Variants in MGAT5 observed in about 807,000 individuals in gnomAD.
MGAT5 encodes the protein alpha-1,6-mannosylglycoprotein 6-beta-N-acetylglucosaminyltransferase A.
A neutral mutation model predicts 94.3 loss-of-function variants in MGAT5; 30 were observed. The ratio of observed to expected loss-of-function variants is 0.32; its 90% CI spans 0.24 to 0.43. The LOEUF (loss-of-function observed/expected upper bound fraction) is 0.43. Ranked by LOEUF, MGAT5 falls within the 20% of genes least tolerant of loss-of-function variation. The probability of loss-of-function intolerance (pLI) is 1.00; values close to 1 mark genes in which losing one functional copy is unlikely to be tolerated. For synonymous variants in MGAT5, 310 were observed against 322.9 expected, an observed-to-expected ratio of 0.96 and a Z score of 0.43; for missense variants, 691 against 905.5, an observed-to-expected ratio of 0.76 and a Z score of 3.04.
intron 2 of MGAT5, among the ~76,000 whole-genome samples, chr2:134,274,003 A>G (rs1361723386): frequency 6.6e-6 from 1 of 152,226 alleles, no homozygotes; most frequent in Non-Finnish European, 1.5e-5. Context: ...TTTGAATTTT[A>G]GAAAGACCCA....
At chr2:134,164,348 G>A (rs1416765745) in intron 1 of MGAT5, among the ~76,000 whole-genome samples, 1 of 152,224 alleles carries the variant, frequency 6.6e-6, no homozygotes, top group African/African-American at 2.4e-5. Flanking sequence ...AGCTTTGAGA[G>A]TTGGTTGGTT....
intron 1 of MGAT5, among the ~76,000 whole-genome samples, chr2:134,124,509 G>A (rs193142864): frequency 2.6e-5 from 4 of 152,294 alleles, no homozygotes; most frequent in Non-Finnish European, 5.9e-5. Flanking sequence ...AATCAGGACA[G>A]GCAAGGGTTA....
chr2:134,244,016 G>GT (rs1002697154), intron 1 of MGAT5, among the ~76,000 whole-genome samples: 1 of 152,018 alleles, frequency 6.6e-6, no homozygotes, highest in African/African-American at 2.4e-5. Context: ...GTCATTCTTG[G>GT]TTTTTTTTCT....
intron 1 of MGAT5, among the ~76,000 whole-genome samples, chr2:134,194,603 G>A (rs913923919): frequency 6.7e-6 from 1 of 150,164 alleles, no homozygotes; most frequent in African/African-American, 2.5e-5. Flanking sequence ...CAGATGATAG[G>A]GGGTGTTTAG....
At chr2:134,213,000 TCTC>T (rs1262656182) in intron 1 of MGAT5, among the ~76,000 whole-genome samples, 1 of 152,172 alleles carries the variant, frequency 6.6e-6, no homozygotes. Context: ...TGTCTCATCT[TCTC>T]CTTGACATTG....
chr2:134,236,188 A>G (rs548503333), intron 1 of MGAT5, among the ~76,000 whole-genome samples: 3 of 152,086 alleles, frequency 2.0e-5, no homozygotes, highest in Non-Finnish European at 4.4e-5. Context: ...GTTGTTCTTC[A>G]CGGGTCCCAT....
In MGAT5 at chr2:134,454,511, G is replaced by A. The variant is rs188693246; in HGVS notation, c.*5664G>A. On this transcript the variant is annotated 3_prime_UTR_variant, in exon 16 of 16. Coordinates refer to ENST00000281923, the MANE Select transcript of MGAT5 (RefSeq NM_002410.5). ...AAGTAATGCAGGATTCTGCAAACAA[G>A]GTGTCGCCGTCCAAATGTACTGTCC... is the stretch of plus-strand genomic sequence containing the variant. 167 of 152,336 alleles carry A rather than the reference G, an allele frequency of 1.1e-3. 1 individual carries two copies. The highest frequency in any genetic ancestry group is 3.7e-3 in the African/African-American group (152 of 41,556). The allele number at this position is 152,336 out of a possible 1,614,324, so 9.4% of individuals were successfully genotyped here. A position where few individuals can be genotyped will look rare whatever the true frequency, so the allele number is the denominator to read the frequency against.
At chr2:134,177,674 G>T (rs1334079497) in intron 1 of MGAT5, among the ~76,000 whole-genome samples, 1 of 152,160 alleles carries the variant, frequency 6.6e-6, no homozygotes, top group Non-Finnish European at 1.5e-5. Context: ...TGATGGTCAG[G>T]CATGAAATTT....
intron 1 of MGAT5, among the ~76,000 whole-genome samples, chr2:134,220,588 T>C (rs189917477): frequency 6.6e-6 from 1 of 152,354 alleles, no homozygotes; most frequent in East Asian, 1.9e-4. Context: ...GTCTCCTCTC[T>C]GTTTTCCTTA....
chr2:134,337,235 G>A (rs1253242772), intron 5 of MGAT5, among the ~76,000 whole-genome samples: 1 of 152,204 alleles, frequency 6.6e-6, no homozygotes, highest in African/African-American at 2.4e-5. Context: ...AGCACTTTAG[G>A]AGGCTGAGGC....
At chr2:134,297,119 C>T (rs1358096882) in intron 2 of MGAT5, among the ~76,000 whole-genome samples, 1 of 149,266 alleles carries the variant, frequency 6.7e-6, no homozygotes, top group East Asian at 2.0e-4. Context: ...ATCACTTGAG[C>T]CCAGGAGATT....
chr2:134,299,845 T>C lies in MGAT5; in HGVS notation c.407-17684T>C, dbSNP rs139100159. Among the ~76,000 whole-genome samples the C allele has an allele frequency of 4.3e-3, 660 of 152,306 alleles. 4 individuals are homozygous for C. Among genetic ancestry groups the C allele is most frequent in the African/African-American group, 0.015 (618 of 41,578 alleles). On this transcript the variant is annotated intron_variant, in intron 2 of 15. Transcript: ENST00000281923. ...TGTAGCAAACACCCACCCTTGGATC[T>C]TCCCTGGAACACACAAACCTTGCTG... is the stretch of plus-strand genomic sequence containing the variant.
At chr2:134,153,757 C>T (rs1250904959) in intron 1 of MGAT5, among the ~76,000 whole-genome samples, 4 of 152,136 alleles carry the variant, frequency 2.6e-5, no homozygotes, top group East Asian at 3.9e-4. Flanking sequence ...CACTCGAGGA[C>T]GATTTCCTTA....
intron 1 of MGAT5, among the ~76,000 whole-genome samples, chr2:134,195,806 G>A (rs949829944): frequency 2.0e-5 from 3 of 152,176 alleles, no homozygotes; most frequent in Admixed American, 6.5e-5. Flanking sequence ...CTTATTTTCC[G>A]TAGTGGATTT....
chr2:134,286,645 C>G (rs1457780187), intron 2 of MGAT5, among the ~76,000 whole-genome samples: 1 of 152,176 alleles, frequency 6.6e-6, no homozygotes, highest in African/African-American at 2.4e-5. Context: ...GTCTTGAACT[C>G]CTGACCTCAG....
chr2:134,377,862 C>T (rs778963186), intron 10 of MGAT5, among the ~76,000 whole-genome samples: 54 of 152,146 alleles, frequency 3.5e-4, no homozygotes, highest in Non-Finnish European at 6.6e-4. Flanking sequence ...ATGACTAATG[C>T]TCATACTAGC....
chr2:134,285,702 T>C (rs927203368), intron 2 of MGAT5, among the ~76,000 whole-genome samples: 2 of 152,222 alleles, frequency 1.3e-5, no homozygotes, highest in Non-Finnish European at 2.9e-5. Flanking sequence ...TAATATATTT[T>C]CATATTTCTC....
chr2:134,155,271 C>G (rs530332116), intron 1 of MGAT5, among the ~76,000 whole-genome samples: 1 of 152,350 alleles, frequency 6.6e-6, no homozygotes, highest in South Asian at 2.1e-4. Flanking sequence ...TCCTTTGCTT[C>G]CATTCTCACT....
chr2:134,152,884 C>G (rs1482077514), intron 1 of MGAT5, among the ~76,000 whole-genome samples: 4 of 150,120 alleles, frequency 2.7e-5, no homozygotes, highest in African/African-American at 7.4e-5. Flanking sequence ...ATACCCTTTC[C>G]AGGCATGGAG....
Sources: gnomAD v4.1 joint callset for allele counts (sites outside exome capture counted in the v4.1 genomes callset) on GRCh38, gnomAD v4.1.1 for gene constraint, MANE v1.5 for transcripts, NCBI Gene and HGNC (gene_info 2026-07-23, HGNC 2026-07-21) for gene names.